FMR1NB: variants seen among roughly 807,000 people sequenced by gnomAD.
The protein encoded by FMR1NB is FMR1 neighbor.
Under a neutral mutation model 16.8 loss-of-function variants are expected in FMR1NB, and 10 were observed. The ratio of observed to expected loss-of-function variants is 0.60; its 90% CI spans 0.37 to 1.01. FMR1NB has a LOEUF of 1.01. FMR1NB is among the 50% of genes least tolerant of loss of function. The probability of loss-of-function intolerance (pLI) is 0.01; values close to 1 mark genes in which losing one functional copy is unlikely to be tolerated. For synonymous variants in FMR1NB, 83 were observed against 79.1 expected (o/e 1.05, Z -0.26); for missense variants, 205 against 204.8 (o/e 1.00, Z 0.00).
chrX:147,988,104 T>C (rs1428379641), intron 1 of FMR1NB, among the ~76,000 whole-genome samples: 4 of 111,928 alleles, frequency 3.6e-5, no homozygotes, highest in Non-Finnish European at 7.5e-5. Flanking sequence ...CTTCATAGTG[T>C]CATTGGTCTT....
chrX:148,005,048 C>T (rs1287863836), intron 2 of FMR1NB, among the ~76,000 whole-genome samples: 2 of 111,817 alleles, frequency 1.8e-5, no homozygotes, highest in African/African-American at 6.5e-5. Context: ...TGCCACCACG[C>T]CCAGCTAATT....
At chrX:148,015,320 A>T (rs2124625957) in intron 4 of FMR1NB, among the ~76,000 whole-genome samples, 1 of 110,994 alleles carries the variant, frequency 9.0e-6, no homozygotes, top group Admixed American at 9.6e-5. Context: ...TTTCAAATTT[A>T]TTTATTTCTG....
intron 1 of FMR1NB, among the ~76,000 whole-genome samples, chrX:147,986,081 T>C (rs1278427228): frequency 8.9e-6 from 1 of 112,568 alleles, no homozygotes; most frequent in African/African-American, 3.2e-5. Flanking sequence ...GATGATGAGC[T>C]TCTTTTCATA....
intron 1 of FMR1NB, among the ~76,000 whole-genome samples, chrX:147,993,034 CA>C (rs1248326235): frequency 9.4e-6 from 1 of 105,838 alleles, no homozygotes; most frequent in East Asian, 3.0e-4. Flanking sequence ...GCAGAGGCTG[CA>C]ATCTCGGCAC....
intron 5 of FMR1NB, 24 bp from the exon 6 acceptor site, chrX:148,026,478 C>G (rs1168408715): frequency 2.7e-5 from 3 of 111,420 alleles, no homozygotes; most frequent in African/African-American, 3.3e-5. Flanking sequence ...AGTTGTTTAA[C>G]CCTACTTTAC....
At chrX:147,981,939 G>A (rs1283095841) in intron 1 of FMR1NB, among the ~76,000 whole-genome samples, 2 of 111,110 alleles carry the variant, frequency 1.8e-5, no homozygotes, top group African/African-American at 6.6e-5. Context: ...CCTAACAAAA[G>A]CCTTCCCTTC....
At chrX:148,018,080 G>A (rs1479049301) in intron 4 of FMR1NB, among the ~76,000 whole-genome samples, 1 of 108,593 alleles carries the variant, frequency 9.2e-6, no homozygotes, top group African/African-American at 3.4e-5. Flanking sequence ...GGGTCAAATG[G>A]TATTTCTAGT....
At chrX:147,986,532 G>A (rs9698419) in intron 1 of FMR1NB, among the ~76,000 whole-genome samples, 3,090 of 111,755 alleles carry the variant, frequency 0.028, 100 homozygotes, top group African/African-American at 0.094. Context: ...TCTGCTTCCT[G>A]CATATGGCTA....
intron 1 of FMR1NB, among the ~76,000 whole-genome samples, chrX:147,985,118 T>C (rs1166296610): frequency 9.0e-6 from 1 of 111,326 alleles, no homozygotes; most frequent in African/African-American, 3.3e-5. Context: ...ATAAGCGATA[T>C]TGGTCTGCAG....
At chrX:148,013,929 C>A (rs1322236702) in intron 4 of FMR1NB, among the ~76,000 whole-genome samples, 1 of 111,581 alleles carries the variant, frequency 9.0e-6, no homozygotes, top group Admixed American at 9.6e-5. Flanking sequence ...AATATATAAT[C>A]TTTTCACTTA....
chrX:147,999,721 C>T (rs1402674788), intron 1 of FMR1NB, among the ~76,000 whole-genome samples: 3 of 111,388 alleles, frequency 2.7e-5, no homozygotes, highest in Non-Finnish European at 5.6e-5. Flanking sequence ...GGGCAGGGAT[C>T]TTGTCTGACT....
intron 4 of FMR1NB, among the ~76,000 whole-genome samples, chrX:148,022,429 A>G (rs1049431250): frequency 3.6e-5 from 4 of 112,352 alleles, no homozygotes; most frequent in African/African-American, 1.3e-4. Context: ...AAGCTCCTCA[A>G]GGACAGGTAC....
intron 4 of FMR1NB, among the ~76,000 whole-genome samples, chrX:148,020,558 C>T (rs984007240): frequency 1.8e-5 from 2 of 111,837 alleles, no homozygotes; most frequent in African/African-American, 6.5e-5. Context: ...ACAGCATAAC[C>T]TAGGTATCAC....
intron 2 of FMR1NB, among the ~76,000 whole-genome samples, chrX:148,005,135 G>A (rs782817674): frequency 1.2e-4 from 13 of 112,297 alleles, no homozygotes; most frequent in Admixed American, 6.6e-4. Flanking sequence ...TGATCCGCCC[G>A]CCTTGGGCTC....
Position 147,982,862 on chromosome X carries a change from C to T in FMR1NB, c.277+1183C>T, listed in dbSNP as rs189309487. Among the ~76,000 whole-genome samples, 3 of 111,731 alleles carry T rather than the reference C, an allele frequency of 2.7e-5. No homozygotes were observed. The Admixed American group carries it at 2.8e-4, about 11-fold the overall frequency. On this transcript the variant is annotated intron_variant, in intron 1 of 5. Transcript: ENST00000370467. ...TGAGCCAAGATCGCGCCACTACACT[C>T]CAGCTTGGGCGACAGAGCGAGGCTC...
chrX:148,007,742 A>G (rs2124622266), intron 3 of FMR1NB, among the ~76,000 whole-genome samples: 1 of 112,459 alleles, frequency 8.9e-6, no homozygotes, highest in East Asian at 2.8e-4. Flanking sequence ...ATGATGAAAC[A>G]CTAATACTAC....
chrX:147,989,573 G>C (rs1170820093), intron 1 of FMR1NB, among the ~76,000 whole-genome samples: 2 of 112,071 alleles, frequency 1.8e-5, no homozygotes, highest in Non-Finnish European at 3.8e-5. Flanking sequence ...GCTCTCTTCA[G>C]AAGTGGCAGG....
chrX:148,001,207 T>A (rs1235860596), intron 1 of FMR1NB, among the ~76,000 whole-genome samples: 1 of 111,903 alleles, frequency 8.9e-6, no homozygotes, highest in African/African-American at 3.2e-5. Context: ...AAAAGAGACT[T>A]GAATGAACAG....
intron 4 of FMR1NB, among the ~76,000 whole-genome samples, chrX:148,018,905 A>G (rs2044664766): frequency 9.0e-6 from 1 of 111,666 alleles, no homozygotes; most frequent in African/African-American, 3.3e-5. Context: ...AAATGGGAGA[A>G]AATTTTCGCA....
Sources: gnomAD v4.1 joint callset for allele counts (sites outside exome capture counted in the v4.1 genomes callset) on GRCh38, gnomAD v4.1.1 for gene constraint, MANE v1.5 for transcripts, NCBI Gene and HGNC (gene_info 2026-07-23, HGNC 2026-07-21) for gene names.